MOBP: variants seen among roughly 807,000 people sequenced by gnomAD.
The protein encoded by MOBP is myelin associated oligodendrocyte basic protein, also known as myelin-associated oligodendrocyte basic protein.
In MOBP, 5 loss-of-function variants were observed where a neutral mutation model predicts 15.0. The observed-to-expected ratio is 0.33, with a 90% confidence interval of 0.17 to 0.70. MOBP has a LOEUF of 0.70. Ranked by LOEUF, MOBP falls within the 30% of genes least tolerant of loss-of-function variation. The probability of loss-of-function intolerance (pLI) is 0.67; values close to 1 mark genes in which losing one functional copy is unlikely to be tolerated. For missense variants in MOBP, 188 were observed against 257.8 expected (o/e 0.73, Z 1.85); for synonymous variants, 88 against 99.0 (o/e 0.89, Z 0.66).
Position 39,502,903 on chromosome 3 carries a change from C to A in MOBP, c.*23C>A, listed in dbSNP as rs1335479278. On this transcript the variant is annotated 3_prime_UTR_variant, in exon 4 of 4. Transcript: ENST00000684792. The surrounding 1 kb of genome is among the most constrained non-coding windows in gnomAD (Gnocchi z 6.3). ...TAACACCATCTCTTCCCTTTTGTTC[C>A]CCAGCCCTAAGGTTAGTAGTTGCTT... The A allele has an allele frequency of 1.1e-5, 12 of 1,071,730 alleles. No individual in the cohort carries two copies. Among genetic ancestry groups the A allele is most frequent in the Non-Finnish European group, 1.6e-5 (12 of 758,432 alleles). The allele number at this position is 1,071,730 out of a possible 1,614,324, so 66.4% of individuals were successfully genotyped here. A position where few individuals can be genotyped will look rare whatever the true frequency, so the allele number is the denominator to read the frequency against.
At chr3:39,513,311 A>C in intron 4 of MOBP, 1 of 1,357,052 alleles carries the variant, frequency 7.4e-7, no homozygotes, top group South Asian at 1.2e-5. Context: ...TACTAACTGA[A>C]CACAGAGAAA....
At chr3:39,518,855 A>C (rs1486672399), downstream of MOBP, among the ~76,000 whole-genome samples, 2 of 152,182 alleles carry the variant, frequency 1.3e-5, no homozygotes, top group Non-Finnish European at 2.9e-5. Flanking sequence ...TTCACAACCA[A>C]TTCACTGCTA....
chr3:39,517,783 C>T (rs1385025433), downstream of MOBP: 1 of 152,170 alleles, frequency 6.6e-6, no homozygotes, highest in African/African-American at 2.4e-5. Flanking sequence ...ATCCAAAGTA[C>T]AGGTGAGCAG....
At chr3:39,486,209 G>C (rs2042705782) in intron 2 of MOBP, among the ~76,000 whole-genome samples, 1 of 152,176 alleles carries the variant, frequency 6.6e-6, no homozygotes, top group Non-Finnish European at 1.5e-5. Flanking sequence ...CCATTTACTA[G>C]CTCTGTGATC....
At chr3:39,486,767 A>G (rs1243426923) in intron 2 of MOBP, among the ~76,000 whole-genome samples, 1 of 151,842 alleles carries the variant, frequency 6.6e-6, no homozygotes, top group African/African-American at 2.4e-5. Flanking sequence ...CTGCATTTTC[A>G]TATGATTTGC....
At chr3:39,471,608 C>T (rs140555900) in intron 1 of MOBP, among the ~76,000 whole-genome samples, 9 of 152,238 alleles carry the variant, frequency 5.9e-5, no homozygotes, top group African/African-American at 2.2e-4. Context: ...TCTGTCAACC[C>T]CAAGTCTGGA....
chr3:39,473,410 G>A (rs1373736064), intron 1 of MOBP, among the ~76,000 whole-genome samples: 1 of 152,192 alleles, frequency 6.6e-6, no homozygotes. Flanking sequence ...AAAAGCATGG[G>A]TGAGAGCCTT....
chr3:39,502,083 C>G lies in MOBP; in HGVS notation c.14C>G (p.Pro5Arg), dbSNP rs141161012. 5.0e-5 allele frequency: 80 copies of G among 1,613,772 alleles called. No individual in the cohort carries two copies. The highest frequency in any genetic ancestry group is 6.2e-5 in the Non-Finnish European group (73 of 1,180,010). Residue 5 changes from proline (P) to arginine (R), a missense_variant, in exon 3 of 4, where the codon CCG (proline) becomes CGG (arginine). Around this residue, in one of 2 missense-constraint regions of MOBP, gnomAD observed 133 missense variants for 212.5 expected, o/e 0.63. Coordinates refer to ENST00000684792, the MANE Select transcript of MOBP (RefSeq NM_001393704.1). The surrounding 1 kb of genome is among the most constrained non-coding windows in gnomAD (Gnocchi z 6.3). MSQK[P>R]AKEGPRLSKN... Reference sequence around the variant, plus strand: ...ATTTCCAGTGAGATGAGTCAGAAACCGGCCAAGGAGGGTCCCAGACTCTCC... The same window carrying G: ...ATTTCCAGTGAGATGAGTCAGAAACGGGCCAAGGAGGGTCCCAGACTCTCC...
downstream of MOBP, among the ~76,000 whole-genome samples, chr3:39,503,686 G>A (rs2043010714): frequency 1.7e-5 from 1 of 57,974 alleles, no homozygotes; most frequent in African/African-American, 5.2e-5. Flanking sequence ...TTATTTTACT[G>A]TTCTGAAGGT....
chr3:39,489,980 T>C (rs2042772272), intron 2 of MOBP, among the ~76,000 whole-genome samples: 1 of 152,236 alleles, frequency 6.6e-6, no homozygotes, highest in Non-Finnish European at 1.5e-5. Flanking sequence ...CCATAATATT[T>C]CTGTAGTTAG....
At chr3:39,470,699 TGA>T (rs2042456956) in intron 1 of MOBP, among the ~76,000 whole-genome samples, 1 of 152,256 alleles carries the variant, frequency 6.6e-6, no homozygotes, top group South Asian at 2.1e-4. Context: ...GTATTTTTAA[TGA>T]GAGTAATTGA....
At chr3:39,513,296 A>G in intron 4 of MOBP, 1 of 1,250,944 alleles carries the variant, frequency 8.0e-7, no homozygotes, top group Non-Finnish European at 1.1e-6. Flanking sequence ...CAAAATCCAC[A>G]ATTATACTAA....
At chr3:39,467,938 G>A (rs1312668039) in intron 1 of MOBP, among the ~76,000 whole-genome samples, 198 bp downstream of exon 1, 3 of 152,152 alleles carry the variant, frequency 2.0e-5, no homozygotes, top group Non-Finnish European at 4.4e-5. Context: ...TGGGCAGGGG[G>A]CCTCCTGGAA....
downstream of MOBP, among the ~76,000 whole-genome samples, chr3:39,516,915 C>A (rs568377898): frequency 5.3e-4 from 80 of 152,294 alleles, no homozygotes; most frequent in Non-Finnish European, 1.1e-3. Flanking sequence ...TACTCTGAGA[C>A]AGTAATTTGC....
downstream of MOBP, among the ~76,000 whole-genome samples, chr3:39,506,003 C>T (rs1433762040): frequency 6.6e-6 from 1 of 152,140 alleles, no homozygotes; most frequent in African/African-American, 2.4e-5. Context: ...GTCTTTAAAT[C>T]CTTCCCCTCA....
chr3:39,495,412 A>G (rs1219016599), intron 2 of MOBP, among the ~76,000 whole-genome samples: 1 of 152,172 alleles, frequency 6.6e-6, no homozygotes, highest in Non-Finnish European at 1.5e-5. Flanking sequence ...GGTTATAGCC[A>G]TAAATGTACA....
chr3:39,523,092 C>A (rs917369491), intron 3 of MOBP, among the ~76,000 whole-genome samples: 1 of 152,210 alleles, frequency 6.6e-6, no homozygotes, highest in African/African-American at 2.4e-5. Flanking sequence ...CACAAGAACC[C>A]TTGCCACTAT....
At chr3:39,519,039 A>C (rs978237241), downstream of MOBP, among the ~76,000 whole-genome samples, 4 of 152,164 alleles carry the variant, frequency 2.6e-5, no homozygotes, top group Admixed American at 2.6e-4. Flanking sequence ...TCTTAAGTAC[A>C]TCAATCTTTG....
chr3:39,497,623 A>G (rs2042905354), intron 2 of MOBP, among the ~76,000 whole-genome samples: 1 of 152,208 alleles, frequency 6.6e-6, no homozygotes, highest in Non-Finnish European at 1.5e-5. Flanking sequence ...TAGATTTTCC[A>G]TCTTTAGTTT....
Sources: allele counts gnomAD v4.1 joint callset (sites outside exome capture counted in the v4.1 genomes callset), GRCh38; gene constraint gnomAD v4.1.1; regional missense constraint gnomAD v4.1.1; non-coding constraint Gnocchi (gnomAD v3.1); transcripts MANE v1.5; gene names NCBI Gene and HGNC (gene_info 2026-07-23, HGNC 2026-07-21).